The following INVS variants were observed in gnomAD, a reference collection of about 807,000 sequenced individuals.
The protein encoded by INVS is inversin.
In INVS, 86 loss-of-function variants were observed where a neutral mutation model predicts 108.8. The observed-to-expected ratio is 0.79, with a 90% CI of 0.66 to 0.95. The LOEUF (loss-of-function observed/expected upper bound fraction) is 0.95, where lower values mean the gene tolerates loss of function less well. Among genes scored for constraint, INVS ranks in the 40% least tolerant of loss-of-function variants. The pLI is 0.00. For missense variants in INVS, 1,169 were observed against 1,297.4 expected, an observed-to-expected ratio of 0.90 and a Z score of 1.52; for synonymous variants, 455 against 473.5, an observed-to-expected ratio of 0.96 and a Z score of 0.51.
At position 100,226,810 on chromosome 9, in the gene INVS, CA is replaced by C. The variant is rs59853701; in HGVS notation, c.447+600del. Among the ~76,000 whole-genome samples the C allele has an allele frequency of 3.8e-3, 302 of 78,800 alleles. 1 individual carries two copies. Among genetic ancestry groups the C allele is most frequent in the East Asian group, 0.011 (17 of 1,566 alleles). 51.7% of individuals were successfully genotyped at this position (78,800 alleles called of 152,430 possible). ...CCTGGGTGACAGAGTGAGACTGTCT[CA>C]AAAAAAAAAAAAAAAAAAAAAAAAT... On this transcript the variant is annotated intron_variant, in intron 4 of 16. Transcript: ENST00000262457.
intron 10 of INVS, 65 bp from the exon 11 acceptor site, chr9:100,264,757 C>T: frequency 9.3e-7 from 1 of 1,071,908 alleles, no homozygotes; most frequent in Middle Eastern, 2.0e-4. Context: ...TTTGAATTAG[C>T]ATAAATAACC....
At chr9:100,281,174 G>A (rs971837784) in intron 12 of INVS, among the ~76,000 whole-genome samples, 3 of 152,168 alleles carry the variant, frequency 2.0e-5, no homozygotes, top group Non-Finnish European at 4.4e-5. Context: ...TCTGTCATGG[G>A]GATGAATTTT....
chr9:100,300,203 A>C (rs1475411652), intron 16 of INVS, among the ~76,000 whole-genome samples: 1 of 152,232 alleles, frequency 6.6e-6, no homozygotes, highest in Non-Finnish European at 1.5e-5. Context: ...ATTTTCTAGA[A>C]CAACTATTCA....
intron 5 of INVS, among the ~76,000 whole-genome samples, chr9:100,236,612 CCT>C (rs1831694075): frequency 6.6e-6 from 1 of 152,152 alleles, no homozygotes; most frequent in Admixed American, 6.5e-5. Context: ...AATAGTCAGG[CCT>C]CTCTTCTAGG....
chr9:100,110,483 G>A (rs62577240), intron 2 of INVS, among the ~76,000 whole-genome samples: 5,919 of 152,210 alleles, frequency 0.039, 191 homozygotes, highest in Non-Finnish European at 0.055. Context: ...TAAATAAATA[G>A]GAATGAGAAA....
At chr9:100,140,793 G>A (rs1828402258) in intron 3 of INVS, among the ~76,000 whole-genome samples, 1 of 152,002 alleles carries the variant, frequency 6.6e-6, no homozygotes, top group African/African-American at 2.4e-5. Flanking sequence ...TGATATTGTG[G>A]GACTGTTAGG....
At chr9:100,118,365 C>T (rs1346873713) in intron 2 of INVS, among the ~76,000 whole-genome samples, 1 of 151,780 alleles carries the variant, frequency 6.6e-6, no homozygotes, top group African/African-American at 2.4e-5. Flanking sequence ...CCCGCCACCA[C>T]ACCTTGCTAA....
At chr9:100,118,353 C>G (rs1001171613) in intron 2 of INVS, among the ~76,000 whole-genome samples, 6 of 151,196 alleles carry the variant, frequency 4.0e-5, no homozygotes, top group Non-Finnish European at 8.8e-5. Flanking sequence ...GGATTACAGA[C>G]GCCCGCCACC....
chr9:100,203,752 C>T lies in INVS; in HGVS notation c.274-22310C>T, dbSNP rs1830598279. 5.3e-5 allele frequency among the ~76,000 whole-genome samples: 8 copies of T among 152,228 alleles called. No homozygotes were observed. The South Asian group carries it at 1.7e-3, about 32-fold the overall frequency. Reference sequence around the variant, plus strand: ...TCCTGACCTCAGGTGATCCGCCCGCCTCAGCCTCCCAAAGTGCTGGGCACG... The same window carrying T: ...TCCTGACCTCAGGTGATCCGCCCGCTTCAGCCTCCCAAAGTGCTGGGCACG... On this transcript the variant is annotated intron_variant, in intron 3 of 16. Coordinates refer to ENST00000262457, the MANE Select transcript of INVS (RefSeq NM_014425.5).
intron 3 of INVS, chr9:100,129,874 T>C: frequency 2.2e-6 from 1 of 457,046 alleles, no homozygotes; most frequent in African/African-American, 2.0e-5. Context: ...TTGGAGATAA[T>C]AGTGGCTGGA....
intron 3 of INVS, among the ~76,000 whole-genome samples, chr9:100,141,177 T>TC (rs1828417848): frequency 6.6e-6 from 1 of 152,112 alleles, no homozygotes; most frequent in African/African-American, 2.4e-5. Flanking sequence ...TGGGGCACAG[T>TC]CCAAGTTGGT....
At chr9:100,106,432 C>G (rs1401605400) in intron 2 of INVS, among the ~76,000 whole-genome samples, 1 of 152,156 alleles carries the variant, frequency 6.6e-6, no homozygotes, top group Non-Finnish European at 1.5e-5. Flanking sequence ...AATCCCATCT[C>G]TGTTTCTTCA....
At position 100,299,555 on chromosome 9, in the gene INVS, A is replaced by AACACACAC. The variant is rs55800849; in HGVS notation, c.3092-985_3092-978dup. 1.6e-3 allele frequency among the ~76,000 whole-genome samples: 202 copies of AACACACAC among 125,708 alleles called. 2 individuals are homozygous for AACACACAC. Among genetic ancestry groups the AACACACAC allele is most frequent in the African/African-American group, 5.1e-3 (171 of 33,594 alleles). 82.5% of individuals were successfully genotyped at this position (125,708 alleles called of 152,430 possible). ...TCAGCAGAGCCTTTTATTGACACACAACACACACACACACACACACACACA... is the reference window on the plus strand; with the variant it reads ...TCAGCAGAGCCTTTTATTGACACACAACACACACACACACACACACACACACACACACA... On this transcript the variant is annotated intron_variant, in intron 16 of 16. Coordinates refer to ENST00000262457, the MANE Select transcript of INVS (RefSeq NM_014425.5).
intron 7 of INVS, among the ~76,000 whole-genome samples, chr9:100,244,051 A>C (rs1219470405): frequency 1.3e-5 from 2 of 152,140 alleles, no homozygotes; most frequent in African/African-American, 4.8e-5. Flanking sequence ...CATCAAGCGT[A>C]GTATAATTTC....
At chr9:100,126,094 A>G (rs1475279500) in intron 2 of INVS, among the ~76,000 whole-genome samples, 1 of 152,184 alleles carries the variant, frequency 6.6e-6, no homozygotes, top group Non-Finnish European at 1.5e-5. Flanking sequence ...GGAGGAACAT[A>G]AGTAGCTCTG....
chr9:100,131,625 T>C (rs1302490732), intron 3 of INVS, among the ~76,000 whole-genome samples: 1 of 152,196 alleles, frequency 6.6e-6, no homozygotes, highest in Non-Finnish European at 1.5e-5. Flanking sequence ...TGACTTCTAC[T>C]GATACATTTG....
rs534362229 is a variant in INVS at position 100,234,557 on chromosome 9, A to G, written c.615+4730A>G. Among the ~76,000 whole-genome samples, 14 of 152,338 alleles carry G rather than the reference A, an allele frequency of 9.2e-5. No individual in the cohort carries two copies. In the South Asian group the frequency reaches 2.9e-3, roughly 32 times the overall value. ...TTAGCTGTGTCCCGCAGATTCTGGT[A>G]CGTTGTGTCTTTGTTCTCATTGGTT... On this transcript the variant is annotated intron_variant, in intron 5 of 16. Coordinates refer to ENST00000262457, the MANE Select transcript of INVS (RefSeq NM_014425.5).
Position 100,226,236 on chromosome 9 carries a change from G to C in INVS, c.447+1G>C. On this transcript the variant is annotated splice_donor_variant, in intron 4 of 16. Coordinates refer to ENST00000262457, the MANE Select transcript of INVS (RefSeq NM_014425.5). LOFTEE classifies it high-confidence loss of function. ...AGTGGATACACAGGATAAAAACAAG[G>C]TAATGGATACTCAAAATCAAAGACT... 6.2e-7 allele frequency: 1 copy of C among 1,612,970 alleles called. No individual in the cohort carries two copies. The highest frequency in any genetic ancestry group is 8.5e-7 in the Non-Finnish European group (1 of 1,179,366).
rs770939282 is a variant in INVS at position 100,252,404 on chromosome 9, G to A, written c.1200G>A (p.Met400Ile). Residue 400 changes from methionine (M) to isoleucine (I), a missense_variant, in exon 9 of 17, where the codon ATG becomes ATA. Physicochemically the swap from Met to Ile is conservative, Grantham distance 10. Around this residue, in one of 3 missense-constraint regions of INVS, gnomAD observed 271 missense variants for 363.8 expected, o/e 0.74. Coordinates refer to ENST00000262457, the MANE Select transcript of INVS (RefSeq NM_014425.5). ...CTCCACTTTTCCGAGCCTGTGAGAT[G>A]GGACACAAAGATGTGATTCAGACAC... Reference protein sequence around the residue: ...KHTPLFRACEMGHKDVIQTLI... With the variant: ...KHTPLFRACEIGHKDVIQTLI... 6.2e-7 allele frequency: 1 copy of A among 1,613,796 alleles called. No individual in the cohort carries two copies. The highest frequency in any genetic ancestry group is 1.3e-5 in the African/African-American group (1 of 74,896).
Sources: allele counts gnomAD v4.1 joint callset (sites outside exome capture counted in the v4.1 genomes callset), GRCh38; gene constraint gnomAD v4.1.1; regional missense constraint gnomAD v4.1.1; transcripts MANE v1.5; gene names NCBI Gene and HGNC (gene_info 2026-07-23, HGNC 2026-07-21).